KCNH1: variants seen among roughly 807,000 people sequenced by gnomAD.
The protein encoded by KCNH1 is potassium voltage-gated channel subfamily H member 1, also known as voltage-gated delayed rectifier potassium channel KCNH1.
Under a neutral mutation model 69.2 loss-of-function variants are expected in KCNH1, and 27 were observed. The ratio of observed to expected loss-of-function variants is 0.39; its 90% CI spans 0.29 to 0.54. The LOEUF is 0.54. Among genes scored for constraint, KCNH1 ranks in the 20% least tolerant of loss-of-function variants. The pLI is 0.68. For synonymous variants in KCNH1, 456 were observed against 487.7 expected, an observed-to-expected ratio of 0.93 and a Z score of 0.86; for missense variants, 798 against 1,261.6, an observed-to-expected ratio of 0.63 and a Z score of 5.57.
intron 10 of KCNH1, among the ~76,000 whole-genome samples, chr1:210,700,122 T>G (rs937724743): frequency 1.6e-4 from 24 of 152,122 alleles, no homozygotes; most frequent in Non-Finnish European, 8.8e-5. Flanking sequence ...AGTCAGGAAG[T>G]GATGAGCCAC....
intron 6 of KCNH1, among the ~76,000 whole-genome samples, chr1:210,928,105 A>G (rs1197777336): frequency 1.3e-5 from 2 of 152,160 alleles, no homozygotes; most frequent in African/African-American, 2.4e-5. Flanking sequence ...TGGCAACACA[A>G]TAATAGTGGG....
intron 10 of KCNH1, among the ~76,000 whole-genome samples, chr1:210,730,348 G>A (rs1682713670): frequency 6.6e-6 from 1 of 152,112 alleles, no homozygotes; most frequent in Admixed American, 6.5e-5. Context: ...TAGTTCCTGG[G>A]TGTCAAAACA....
At chr1:210,925,212 G>A (rs368754713) in intron 6 of KCNH1, among the ~76,000 whole-genome samples, 5 of 152,324 alleles carry the variant, frequency 3.3e-5, no homozygotes, top group African/African-American at 9.6e-5. Context: ...CGCTCTTAAA[G>A]AAACTCAGTG....
intron 10 of KCNH1, 29 bp from the exon 11 acceptor site, chr1:210,684,167 G>T: frequency 6.7e-7 from 1 of 1,492,038 alleles, no homozygotes; most frequent in South Asian, 1.4e-5. Flanking sequence ...AGAATGACAT[G>T]GCGTGTTAGC....
chr1:210,909,529 T>A (rs958725593), intron 7 of KCNH1, among the ~76,000 whole-genome samples: 19 of 152,246 alleles, frequency 1.2e-4, no homozygotes, highest in Non-Finnish European at 2.2e-4. Flanking sequence ...CCATTTAATT[T>A]GCATCGTTTC....
intron 10 of KCNH1, among the ~76,000 whole-genome samples, chr1:210,719,595 T>TG (rs1221306392): frequency 6.6e-6 from 1 of 151,980 alleles, no homozygotes; most frequent in African/African-American, 2.4e-5. Context: ...ACCTAATGCA[T>TG]GCAGGGCTTA....
intron 6 of KCNH1, among the ~76,000 whole-genome samples, chr1:210,989,666 G>C (rs1338423969): frequency 1.3e-5 from 2 of 152,190 alleles, no homozygotes; most frequent in Non-Finnish European, 2.9e-5. Context: ...CTTGTGTGTA[G>C]CACTTCAAGA....
At chr1:210,694,062 C>T (rs1681584280) in intron 10 of KCNH1, among the ~76,000 whole-genome samples, 1 of 152,182 alleles carries the variant, frequency 6.6e-6, no homozygotes, top group Non-Finnish European at 1.5e-5. Flanking sequence ...TGAACCTCTC[C>T]CTACTTCCAT....
intron 7 of KCNH1, chr1:210,861,638 G>A: frequency 1.3e-6 from 1 of 770,846 alleles, no homozygotes; most frequent in Non-Finnish European, 2.4e-6. Context: ...TACTGAACAA[G>A]AGCATAGAGT....
chr1:211,053,875 A>G (rs189424065), intron 5 of KCNH1, among the ~76,000 whole-genome samples: 9 of 152,328 alleles, frequency 5.9e-5, no homozygotes, highest in Admixed American at 3.9e-4. Context: ...TAAATTCTGA[A>G]GCAATAAAAA....
At chr1:210,699,827 C>A (rs558976149) in intron 10 of KCNH1, among the ~76,000 whole-genome samples, 1 of 152,126 alleles carries the variant, frequency 6.6e-6, no homozygotes, top group Admixed American at 6.5e-5. Flanking sequence ...TGAATGTGGA[C>A]GCTGAGGCAC....
intron 6 of KCNH1, among the ~76,000 whole-genome samples, chr1:210,997,009 C>G (rs565240778): frequency 1.3e-5 from 2 of 152,246 alleles, no homozygotes; most frequent in East Asian, 3.9e-4. Flanking sequence ...AAAACCCTTC[C>G]GTACATCACC....
intron 5 of KCNH1, among the ~76,000 whole-genome samples, chr1:211,064,061 T>TA (rs1690483974): frequency 6.6e-6 from 1 of 152,196 alleles, no homozygotes; most frequent in Non-Finnish European, 1.5e-5. Flanking sequence ...GAATTAAAAC[T>TA]AAAAATATGC....
intron 9 of KCNH1, among the ~76,000 whole-genome samples, chr1:210,779,828 G>C (rs1001072905): frequency 6.6e-6 from 1 of 152,104 alleles, no homozygotes; most frequent in African/African-American, 2.4e-5. Flanking sequence ...CAATTATATG[G>C]AGCTGTCTTT....
chr1:210,861,283 T>C, intron 7 of KCNH1: 1 of 909,396 alleles, frequency 1.1e-6, no homozygotes, highest in Non-Finnish European at 1.9e-6. Flanking sequence ...CATGAGAAAC[T>C]CCTTGATTAA....
At chr1:211,100,618 C>T (rs1571646859) in intron 3 of KCNH1, among the ~76,000 whole-genome samples, 1 of 152,098 alleles carries the variant, frequency 6.6e-6, no homozygotes, top group East Asian at 1.9e-4. Flanking sequence ...CCCAAAGTGC[C>T]GGGATTACAG....
rs1681220354 is a variant in KCNH1, at chr1:210,679,886, GC to G, written c.*3394del. 6.6e-6 allele frequency: 1 copy of G among 152,162 alleles called. No individual in the cohort carries two copies. Among genetic ancestry groups the G allele is most frequent in the East Asian group, 1.9e-4 (1 of 5,192 alleles). The allele number at this position is 152,162 out of a possible 1,614,324, so 9.4% of individuals were successfully genotyped here. A position where few individuals can be genotyped will look rare whatever the true frequency, so the allele number is the denominator to read the frequency against. ...TGGGCTCAGCTTTTTAAATACTTGG[GC>G]TATCCTGTAGCATTAATGTTGTAAC... On this transcript the variant is annotated 3_prime_UTR_variant, in exon 11 of 11. Transcript: ENST00000271751.
chr1:211,099,807 C>G (rs1691225780), intron 3 of KCNH1, among the ~76,000 whole-genome samples: 1 of 152,162 alleles, frequency 6.6e-6, no homozygotes, highest in Admixed American at 6.5e-5. Context: ...TTCCTGGGCT[C>G]TGCCTGGGGC....
chr1:211,022,096 C>T lies in KCNH1; in HGVS notation c.559-2840G>A, dbSNP rs182953212. Among the ~76,000 whole-genome samples the T allele has an allele frequency of 5.1e-3, 777 of 152,144 alleles. 10 individuals are homozygous for T. The highest frequency in any genetic ancestry group is 0.018 in the African/African-American group (738 of 41,490). On this transcript the variant is annotated intron_variant, in intron 5 of 10. Coordinates refer to ENST00000271751, the MANE Select transcript of KCNH1 (RefSeq NM_172362.3). ...AATTATACTACAGAGTTATAGTAAC[C>T]AAAACAACAGGGTAGTTGCATAAAA...
Sources: allele counts gnomAD v4.1 joint callset (sites outside exome capture counted in the v4.1 genomes callset), GRCh38; gene constraint gnomAD v4.1.1; transcripts MANE v1.5; gene names NCBI Gene and HGNC (gene_info 2026-07-23, HGNC 2026-07-21).